Variants in KCNMA1 observed in about 807,000 individuals in gnomAD.
The protein encoded by KCNMA1 is potassium calcium-activated channel subfamily M alpha 1, also known as Calcium-activated potassium channel subunit alpha-1.
In KCNMA1, 29 loss-of-function variants were observed where a neutral mutation model predicts 140.0. That is an observed-to-expected ratio of 0.21 (90% CI 0.15 to 0.28). KCNMA1 has a LOEUF of 0.28. Ranked by LOEUF, KCNMA1 falls within the 10% of genes least tolerant of loss-of-function variation. The pLI, the probability that KCNMA1 is intolerant of heterozygous loss-of-function variation, is 1.00. For missense variants in KCNMA1, 880 were observed against 1,602.2 expected (o/e 0.55, Z 7.70); for synonymous variants, 612 against 611.9 (o/e 1.00, Z 0.00).
intron 14 of KCNMA1, among the ~76,000 whole-genome samples, chr10:77,060,217 A>G (rs2095688396): frequency 6.6e-6 from 1 of 152,192 alleles, no homozygotes; most frequent in South Asian, 2.1e-4. Flanking sequence ...CTGATTTTAA[A>G]GTATATATGG....
intron 19 of KCNMA1, chr10:76,975,502 G>C (rs1188753619): frequency 2.0e-5 from 3 of 152,260 alleles, no homozygotes. Flanking sequence ...TTGGTAGTAT[G>C]ATTCCTGTAA....
intron 5 of KCNMA1, among the ~76,000 whole-genome samples, chr10:77,158,883 T>C (rs1182446042): frequency 6.6e-6 from 1 of 152,118 alleles, no homozygotes; most frequent in East Asian, 1.9e-4. Flanking sequence ...TGCGTAAGTG[T>C]AATAAGTAAT....
chr10:77,342,135 T>C (rs565007750), intron 2 of KCNMA1, among the ~76,000 whole-genome samples: 1 of 152,314 alleles, frequency 6.6e-6, no homozygotes, highest in African/African-American at 2.4e-5. Flanking sequence ...ACAAATGTCA[T>C]GGCACATGGG....
intron 1 of KCNMA1, among the ~76,000 whole-genome samples, chr10:77,538,362 A>C (rs1282070275): frequency 6.6e-6 from 1 of 152,184 alleles, no homozygotes; most frequent in African/African-American, 2.4e-5. Context: ...ACCCAGGTGA[A>C]TCCACTGTGG....
intron 23 of KCNMA1, among the ~76,000 whole-genome samples, chr10:76,934,648 T>G (rs2060076162): frequency 6.6e-6 from 1 of 152,162 alleles, no homozygotes; most frequent in South Asian, 2.1e-4. Flanking sequence ...GGCACTAACC[T>G]CATGCATAGG....
intron 1 of KCNMA1, among the ~76,000 whole-genome samples, chr10:77,619,314 G>GTC (rs61564819): frequency 0.033 from 3,033 of 91,484 alleles, 39 homozygotes; most frequent in Non-Finnish European, 0.046. Flanking sequence ...CTGTCTGTCT[G>GTC]TCTCTCTCTC....
At chr10:77,510,211 C>T (rs1473420220) in intron 1 of KCNMA1, among the ~76,000 whole-genome samples, 2 of 151,798 alleles carry the variant, frequency 1.3e-5, no homozygotes, top group East Asian at 3.9e-4. Flanking sequence ...TGCTCATCTG[C>T]TAATTGGGTG....
intron 1 of KCNMA1, chr10:77,498,458 C>A (rs530618829): frequency 1.3e-5 from 2 of 152,346 alleles, no homozygotes; most frequent in South Asian, 4.2e-4. Flanking sequence ...GCATGTTGGC[C>A]AGGTTAAACA....
intron 5 of KCNMA1, among the ~76,000 whole-genome samples, chr10:77,172,847 A>G (rs2098720484): frequency 6.6e-6 from 1 of 152,164 alleles, no homozygotes; most frequent in East Asian, 1.9e-4. Context: ...CAAGGCGACA[A>G]CAGATTCAGC....
intron 2 of KCNMA1, among the ~76,000 whole-genome samples, chr10:77,334,890 T>G (rs1220832672): frequency 6.6e-6 from 1 of 152,248 alleles, no homozygotes; most frequent in African/African-American, 2.4e-5. Context: ...TCCAATATTT[T>G]TAAAGTTTTA....
rs540006239 is a variant in KCNMA1 at position 76,948,191 on chromosome 10, A to G, written c.2709+951T>C. On this transcript the variant is annotated intron_variant, in intron 22 of 27. Transcript: ENST00000286628. ...GGCTAATTTTTTTAACTTTTTGTAG[A>G]GAAGAGGTCTCACCATGTTGCCCAG... is the stretch of plus-strand genomic sequence containing the variant. Among the ~76,000 whole-genome samples, 7 of 152,172 alleles carry G rather than the reference A, an allele frequency of 4.6e-5. No individual in the cohort carries two copies. The South Asian group carries it at 1.5e-3, about 32-fold the overall frequency.
chr10:77,213,765 G>A (rs912751435), intron 3 of KCNMA1, among the ~76,000 whole-genome samples: 1 of 152,014 alleles, frequency 6.6e-6, no homozygotes, highest in Non-Finnish European at 1.5e-5. Flanking sequence ...CCACTCCCAT[G>A]ATCTTGCTCT....
At position 76,885,101 on chromosome 10, in the gene KCNMA1, T is replaced by C. The variant is rs2036253342; in HGVS notation, c.*2165A>G. ...CTGTTGAGCACTTTAACTGGCACAT[T>C]CTTATAGTTATAAATGTTCTGAGGG... On this transcript the variant is annotated 3_prime_UTR_variant, in exon 28 of 28. Transcript: ENST00000286628. 6 of 1,527,128 alleles carry C rather than the reference T, an allele frequency of 3.9e-6. No homozygotes were observed. Among genetic ancestry groups the C allele is most frequent in the Non-Finnish European group, 4.4e-6 (5 of 1,136,392 alleles). 94.6% of individuals were successfully genotyped at this position (1,527,128 alleles called of 1,614,324 possible).
At chr10:77,404,054 T>C (rs201439324) in intron 1 of KCNMA1, 31 bp from the exon 2 acceptor site, 149 of 1,609,750 alleles carry the variant, frequency 9.3e-5, no homozygotes, top group South Asian at 2.5e-4. Flanking sequence ...AGTTAAGACA[T>C]AGGGAACAAT....
intron 5 of KCNMA1, among the ~76,000 whole-genome samples, chr10:77,134,148 T>C (rs1434858312): frequency 6.6e-6 from 1 of 152,160 alleles, no homozygotes; most frequent in Non-Finnish European, 1.5e-5. Flanking sequence ...GTATATATTA[T>C]TAGCCCTCTG....
rs2036578445 is a variant in KCNMA1, at chr10:76,885,681, AGTC to A, written c.*1582_*1584del. 1.0e-6 allele frequency: 1 copy of A among 985,178 alleles called. No individual in the cohort carries two copies. Among genetic ancestry groups the A allele is most frequent in the Non-Finnish European group, 1.2e-6 (1 of 829,838 alleles). 61.0% of individuals were successfully genotyped at this position (985,178 alleles called of 1,614,324 possible). On this transcript the variant is annotated 3_prime_UTR_variant, in exon 28 of 28. Transcript: ENST00000286628. ...TTTTCAAATATGTATATACCAGCCT[AGTC>A]CATCCATAAGGGAAATTGGTTATGG...
chr10:77,628,174 T>TA (rs971984076), intron 1 of KCNMA1, among the ~76,000 whole-genome samples: 1 of 152,190 alleles, frequency 6.6e-6, no homozygotes, highest in African/African-American at 2.4e-5. Context: ...CAACAGCCTG[T>TA]AGATAATTTG....
chr10:77,025,240 GTGTATATATATATATATA>G lies in KCNMA1; in HGVS notation c.1928+2565_1928+2582del, dbSNP rs199665732. 0.14 allele frequency among the ~76,000 whole-genome samples: 8,906 copies of G among 65,458 alleles called. 938 individuals carry two copies. Among genetic ancestry groups the G allele is most frequent in the Middle Eastern group, 0.22 (22 of 102 alleles). The allele number at this position is 65,458 out of a possible 152,430, so 42.9% of individuals were successfully genotyped here. A position where few individuals can be genotyped will look rare whatever the true frequency, so the allele number is the denominator to read the frequency against. The stretch of plus-strand genomic sequence containing the variant: ...GTACTCTAGTTGGAGAGGGGTGTGT[GTGTATATATATATATATA>G]TATATATATATATATATATATATAC... On this transcript the variant is annotated intron_variant, in intron 16 of 27. Transcript: ENST00000286628.
At chr10:77,103,420 T>C (rs560730819) in intron 9 of KCNMA1, among the ~76,000 whole-genome samples, 11 of 152,328 alleles carry the variant, frequency 7.2e-5, no homozygotes, top group Non-Finnish European at 1.6e-4. Flanking sequence ...CTTTCACTGA[T>C]AAGGAAGAAA....
Sources: allele counts gnomAD v4.1 joint callset (sites outside exome capture counted in the v4.1 genomes callset), GRCh38; gene constraint gnomAD v4.1.1; transcripts MANE v1.5; gene names NCBI Gene and HGNC (gene_info 2026-07-23, HGNC 2026-07-21).